FANK1: variants seen among roughly 807,000 people sequenced by gnomAD.
FANK1 encodes the protein fibronectin type III and ankyrin repeat domains 1.
FANK1 carries 44 observed loss-of-function variants against 45.3 expected under a neutral mutation model. The ratio of observed to expected loss-of-function variants is 0.97; its 90% CI spans 0.76 to 1.25. The LOEUF is 1.25. Among genes scored for constraint, FANK1 ranks in the 50% most tolerant of loss-of-function variants. The pLI is 0.00. For synonymous variants in FANK1, 149 were observed against 152.5 expected (o/e 0.98, Z 0.17); for missense variants, 391 against 424.4 (o/e 0.92, Z 0.69).
chr10:125,989,254 AT>A lies in FANK1; in HGVS notation c.316+583del. ...GTTTCTGAGATTGGTATTTTAAAGC[AT>A]TTTAAAGATGCTATCTATGTCCAGG... On this transcript the variant is annotated intron_variant, in intron 3 of 10. Coordinates refer to ENST00000368693, the MANE Select transcript of FANK1 (RefSeq NM_145235.5). 3.2e-6 allele frequency: 5 copies of A among 1,544,950 alleles called. No homozygotes were observed. In the South Asian group the frequency reaches 4.8e-5, roughly 15 times the overall value.
chr10:125,958,196 C>T (rs930292636), intron 1 of FANK1, among the ~76,000 whole-genome samples: 5 of 152,196 alleles, frequency 3.3e-5, no homozygotes, highest in African/African-American at 1.2e-4. Context: ...CTTCCTATCT[C>T]TCTGCTCCCT....
rs138615372 is a variant in FANK1 at position 125,988,834 on chromosome 10, A to C, written c.316+159A>C. ...TATTTGCTAGTTGGGCCTTGCCATA[A>C]CTTGTAATGTCAGGGAAGTCTAATT... On this transcript the variant is annotated intron_variant, in intron 3 of 10. Transcript: ENST00000368693. 1.8e-5 allele frequency: 20 copies of C among 1,112,958 alleles called. No homozygotes were observed. The East Asian group carries it at 3.7e-4, about 21-fold the overall frequency. 68.9% of individuals were successfully genotyped at this position (1,112,958 alleles called of 1,614,324 possible). A position where few individuals can be genotyped will look rare whatever the true frequency, so the allele number is the denominator to read the frequency against.
intron 1 of FANK1, among the ~76,000 whole-genome samples, chr10:125,947,653 A>G (rs1430986579): frequency 1.3e-5 from 2 of 151,418 alleles, no homozygotes; most frequent in Non-Finnish European, 2.9e-5. Context: ...AGACACCCAC[A>G]CATTAATAAT....
intron 1 of FANK1, among the ~76,000 whole-genome samples, chr10:125,955,179 G>A (rs1165875628): frequency 1.3e-5 from 2 of 151,532 alleles, no homozygotes; most frequent in Non-Finnish European, 2.9e-5. Context: ...AGGTGTCATG[G>A]TGGTTTGCTG....
At chr10:125,911,458 G>T (rs995986369) in intron 1 of FANK1, among the ~76,000 whole-genome samples, 19 of 152,210 alleles carry the variant, frequency 1.2e-4, no homozygotes, top group African/African-American at 4.6e-4. Context: ...AATTATAGCA[G>T]CAATAGGAAA....
chr10:125,906,386 T>A (rs1220446989), intron 1 of FANK1, among the ~76,000 whole-genome samples: 1 of 151,588 alleles, frequency 6.6e-6, no homozygotes, highest in Non-Finnish European at 1.5e-5. Flanking sequence ...CATGGTGGTG[T>A]GTGCCTGTAA....
chr10:125,932,556 C>T (rs1233723184), intron 1 of FANK1, among the ~76,000 whole-genome samples: 2 of 152,098 alleles, frequency 1.3e-5, no homozygotes, highest in Non-Finnish European at 2.9e-5. Flanking sequence ...GATTTGTGTA[C>T]ATTAATCTTG....
intron 1 of FANK1, among the ~76,000 whole-genome samples, chr10:125,971,020 A>G (rs1369359997): frequency 6.6e-6 from 1 of 152,216 alleles, no homozygotes; most frequent in Non-Finnish European, 1.5e-5. Context: ...CTTTAGCTGT[A>G]TTATAAAACT....
At chr10:125,996,525 A>G in intron 4 of FANK1, 25 bp from the exon 5 acceptor site, 1 of 1,612,762 alleles carries the variant, frequency 6.2e-7, no homozygotes, top group South Asian at 1.1e-5. Context: ...GAGCATGTTT[A>G]TCTCTTTTCT....
At chr10:125,943,685 T>C (rs764891055) in intron 1 of FANK1, among the ~76,000 whole-genome samples, 1 of 152,250 alleles carries the variant, frequency 6.6e-6, no homozygotes, top group Non-Finnish European at 1.5e-5. Flanking sequence ...TTAGAGTCTT[T>C]AAGATGTTGT....
intron 6 of FANK1, among the ~76,000 whole-genome samples, chr10:125,998,618 CTT>C (rs905306117): frequency 1.5e-4 from 23 of 152,140 alleles, no homozygotes; most frequent in African/African-American, 4.8e-4. Context: ...ATACACCAAT[CTT>C]TTGTAAATCT....
At chr10:125,924,985 C>T (rs111466426) in intron 1 of FANK1, among the ~76,000 whole-genome samples, 56 of 133,450 alleles carry the variant, frequency 4.2e-4, no homozygotes, top group African/African-American at 1.1e-3. Flanking sequence ...AAATTGTGAT[C>T]TGTCCACTTT....
chr10:125,979,091 A>G (rs1951031167), intron 1 of FANK1, among the ~76,000 whole-genome samples: 1 of 152,058 alleles, frequency 6.6e-6, no homozygotes, highest in Admixed American at 6.6e-5. Flanking sequence ...TGGGAGAAGC[A>G]TGGTTTCTGG....
intron 1 of FANK1, among the ~76,000 whole-genome samples, chr10:125,909,892 C>T (rs1945853433): frequency 6.6e-6 from 1 of 151,716 alleles, no homozygotes; most frequent in Non-Finnish European, 1.5e-5. Flanking sequence ...AGATTTCCCC[C>T]ACCCCAGAGT....
intron 1 of FANK1, chr10:125,973,577 C>A: frequency 2.3e-6 from 1 of 435,048 alleles, no homozygotes; most frequent in Non-Finnish European, 3.1e-6. Flanking sequence ...TCTAAGAAAA[C>A]CAAGAGGCCC....
chr10:125,979,045 G>A (rs144131885), intron 1 of FANK1, among the ~76,000 whole-genome samples: 1 of 152,314 alleles, frequency 6.6e-6, no homozygotes, highest in Non-Finnish European at 1.5e-5. Context: ...AGGGGTTTAC[G>A]TGGAGAGCTC....
intron 6 of FANK1, among the ~76,000 whole-genome samples, chr10:125,999,561 AT>A (rs1190467796): frequency 6.6e-6 from 1 of 152,176 alleles, no homozygotes; most frequent in Non-Finnish European, 1.5e-5. Flanking sequence ...TTTTTAAATC[AT>A]CTCAATCAGC....
intron 1 of FANK1, among the ~76,000 whole-genome samples, chr10:125,948,321 C>T (rs1948954762): frequency 6.6e-6 from 1 of 152,082 alleles, no homozygotes; most frequent in Admixed American, 6.6e-5. Flanking sequence ...ATCAATGAAT[C>T]CAGGAGCTGG....
chr10:126,005,802 T>C (rs1020935970), intron 7 of FANK1, among the ~76,000 whole-genome samples: 7 of 152,234 alleles, frequency 4.6e-5, no homozygotes, highest in African/African-American at 1.7e-4. Flanking sequence ...TTTTAAAGAT[T>C]AGTCATTACA....
Sources: gnomAD v4.1 joint callset for allele counts (sites outside exome capture counted in the v4.1 genomes callset) on GRCh38, gnomAD v4.1.1 for gene constraint, MANE v1.5 for transcripts, NCBI Gene and HGNC (gene_info 2026-07-23, HGNC 2026-07-21) for gene names.